Variants in DAW1 observed in about 807,000 individuals in gnomAD.
DAW1 encodes the protein dynein assembly factor with WD repeats 1.
Under a neutral mutation model 56.5 loss-of-function variants are expected in DAW1, and 47 were observed. The ratio of observed to expected loss-of-function variants is 0.83; its 90% confidence interval spans 0.66 to 1.06. The LOEUF (loss-of-function observed/expected upper bound fraction) is 1.06, where lower values mean the gene tolerates loss of function less well. DAW1 is among the 50% of genes least tolerant of loss of function. The pLI is 0.00. For synonymous variants in DAW1, 190 were observed against 179.0 expected (o/e 1.06, Z -0.49); for missense variants, 505 against 499.3 (o/e 1.01, Z -0.11).
chr2:227,893,061 A>C (rs1460151097), intron 4 of DAW1, among the ~76,000 whole-genome samples: 2 of 150,774 alleles, frequency 1.3e-5, no homozygotes, highest in Non-Finnish European at 3.0e-5. Context: ...CGAGGTCAGG[A>C]GTTGGAGACC....
intron 3 of DAW1, among the ~76,000 whole-genome samples, chr2:227,891,022 C>A (rs934864301): frequency 4.1e-4 from 63 of 152,124 alleles, no homozygotes; most frequent in Non-Finnish European, 8.2e-4. Flanking sequence ...TAGTGTATTT[C>A]CTACATACCC....
At chr2:227,912,423 G>C (rs763853730) in intron 10 of DAW1, 1 of 1,304,794 alleles carries the variant, frequency 7.7e-7, no homozygotes, top group South Asian at 1.2e-5. Flanking sequence ...TTTGATCACT[G>C]GACGTGATGC....
intron 10 of DAW1, 137 bp downstream of exon 10, chr2:227,907,389 A>G: frequency 1.5e-6 from 1 of 654,636 alleles, no homozygotes; most frequent in Non-Finnish European, 2.6e-6. Context: ...TATCGTGACC[A>G]TGTATGGCAC....
chr2:227,907,396 G>T (rs1296463995), intron 10 of DAW1, 144 bp downstream of exon 10: 3 of 628,588 alleles, frequency 4.8e-6, no homozygotes, highest in Non-Finnish European at 8.2e-6. Context: ...ACCATGTATG[G>T]CACAATAGTG....
chr2:227,893,378 A>G (rs1163144622), intron 4 of DAW1, among the ~76,000 whole-genome samples: 1 of 151,908 alleles, frequency 6.6e-6, no homozygotes, highest in Admixed American at 6.6e-5. Flanking sequence ...TGTAAAAAGC[A>G]TAATAGGCCA....
At chr2:227,907,773 C>G (rs1271496126) in intron 10 of DAW1, among the ~76,000 whole-genome samples, 1 of 152,300 alleles carries the variant, frequency 6.6e-6, no homozygotes, top group Admixed American at 6.5e-5. Context: ...GTCTCGAACT[C>G]CTGACCTCAG....
intron 4 of DAW1, among the ~76,000 whole-genome samples, chr2:227,892,657 G>A (rs1304173648): frequency 6.6e-6 from 1 of 152,080 alleles, no homozygotes; most frequent in Non-Finnish European, 1.5e-5. Flanking sequence ...AAATACCTAG[G>A]AGAGAATCAA....
intron 1 of DAW1, among the ~76,000 whole-genome samples, chr2:227,878,631 A>G (rs1053230053): frequency 1.3e-5 from 2 of 152,194 alleles, no homozygotes; most frequent in Non-Finnish European, 2.9e-5. Flanking sequence ...ATGAGGCAGA[A>G]GAATGGCATG....
intron 10 of DAW1, 126 bp downstream of exon 10, chr2:227,907,378 C>CT: frequency 2.9e-6 from 2 of 698,668 alleles, no homozygotes; most frequent in South Asian, 4.0e-5. Flanking sequence ...TGTCTCATCT[C>CT]TATCGTGACC....
intron 1 of DAW1, chr2:227,876,300 G>A (rs1259823726): frequency 8.6e-6 from 5 of 580,522 alleles, no homozygotes; most frequent in South Asian, 2.4e-5. Flanking sequence ...GATGACAGGC[G>A]TGAGCCACTG....
chr2:227,921,331 TTTGCTG>T, intron 11 of DAW1, 62 bp from the exon 12 acceptor site: 27 of 295,520 alleles, frequency 9.1e-5, no homozygotes, highest in Non-Finnish European at 1.2e-4. Context: ...TTTTTTTTTT[TTTGCTG>T]ATAAGAAATG....
intron 11 of DAW1, among the ~76,000 whole-genome samples, chr2:227,920,237 A>G (rs1559316067): frequency 6.6e-6 from 1 of 152,236 alleles, no homozygotes; most frequent in East Asian, 1.9e-4. Context: ...TTGAATTGGC[A>G]TCTGGTAAGG....
At position 227,921,481 on chromosome 2, in the gene DAW1, A is replaced by C. The variant is rs986488135; in HGVS notation, c.1133A>C (p.Gln378Pro). The change falls in exon 12 of 13, where the codon CAG (glutamine) becomes CCG (proline). Residue 378 changes from glutamine to proline, a missense_variant. Transcript: ENST00000309931. ...TARIWDAQTGQCLQVLEGHTD... is the reference protein window; with the variant it reads ...TARIWDAQTGPCLQVLEGHTD... ...AGAATCTGGGATGCTCAGACTGGCC[A>C]GTGCCTCCAGGTTCTTGAGGGGCAC... The C allele has an allele frequency of 1.9e-6, 3 of 1,613,964 alleles. No individual in the cohort carries two copies. In the African/African-American group the frequency reaches 4.0e-5, roughly 22 times the overall value.
chr2:227,911,843 A>G (rs950375571), intron 10 of DAW1, among the ~76,000 whole-genome samples: 1 of 152,122 alleles, frequency 6.6e-6, no homozygotes, highest in Non-Finnish European at 1.5e-5. Context: ...ATGTGATGCT[A>G]TCTTATCTCT....
chr2:227,917,792 T>C (rs557544964), intron 10 of DAW1, among the ~76,000 whole-genome samples: 1 of 152,266 alleles, frequency 6.6e-6, no homozygotes, highest in Admixed American at 6.5e-5. Context: ...TTTAATCACA[T>C]TAATTCTAAA....
intron 8 of DAW1, 138 bp from the exon 9 acceptor site, chr2:227,906,098 C>CAT: frequency 1.8e-6 from 1 of 561,576 alleles, no homozygotes. Context: ...ATAGTAGAGC[C>CAT]ATATTTGTCA....
At chr2:227,890,272 A>G (rs1691232347) in intron 3 of DAW1, among the ~76,000 whole-genome samples, 1 of 150,584 alleles carries the variant, frequency 6.6e-6, no homozygotes, top group African/African-American at 2.5e-5. Context: ...AGATAGTTTT[A>G]AGTTATGGAA....
chr2:227,886,107 C>T (rs962529066), intron 2 of DAW1, among the ~76,000 whole-genome samples: 6 of 151,468 alleles, frequency 4.0e-5, no homozygotes, highest in Non-Finnish European at 7.4e-5. Flanking sequence ...GTGACCTTTA[C>T]ATTTTTGAGA....
chr2:227,901,037 C>T lies in DAW1; in HGVS notation c.541-1965C>T, dbSNP rs183396911. On this transcript the variant is annotated intron_variant, in intron 6 of 12. Coordinates refer to ENST00000309931, the MANE Select transcript of DAW1 (RefSeq NM_178821.3). ...TTTGACTAGGAGATGGTATGATCAG[C>T]TGTGCTCTTTGGAAAGATTATTTCT... Among the ~76,000 whole-genome samples, 5 of 152,310 alleles carry T rather than the reference C, an allele frequency of 3.3e-5. No homozygotes were observed. The East Asian group carries it at 9.6e-4, about 29-fold the overall frequency.
Sources: gnomAD v4.1 joint callset for allele counts (sites outside exome capture counted in the v4.1 genomes callset) on GRCh38, gnomAD v4.1.1 for gene constraint, MANE v1.5 for transcripts, NCBI Gene and HGNC (gene_info 2026-07-23, HGNC 2026-07-21) for gene names.